Variants in LRRC37A2 observed in about 807,000 individuals in gnomAD.
LRRC37A2 encodes the protein leucine-rich repeat-containing protein 37A2.
A neutral mutation model predicts 68.8 loss-of-function variants in LRRC37A2; 9 were observed. That is an observed-to-expected ratio of 0.13 (90% CI 0.08 to 0.23). The LOEUF is 0.23. Ranked by LOEUF, LRRC37A2 falls within the 10% of genes least tolerant of loss-of-function variation. The pLI, the probability that LRRC37A2 is intolerant of heterozygous loss-of-function variation, is 1.00. For synonymous variants in LRRC37A2, 63 were observed against 367.6 expected, an observed-to-expected ratio of 0.17 and a Z score of 9.48; for missense variants, 168 against 950.4, an observed-to-expected ratio of 0.18 and a Z score of 10.82.
chr17:46,798,334 G>A, the LRRC37A2 span, among the ~76,000 whole-genome samples: 2 of 152,222 alleles, frequency 1.3e-5, no homozygotes, highest in Admixed American at 6.5e-5. Flanking sequence ...AGATGGACAC[G>A]ACGGCCTAGT....
the LRRC37A2 span, among the ~76,000 whole-genome samples, chr17:46,854,314 C>T: frequency 1.3e-5 from 2 of 152,214 alleles, no homozygotes; most frequent in African/African-American, 4.8e-5. Flanking sequence ...TGAGGCAAAG[C>T]GCTTCTTCCT....
At chr17:46,941,891 G>A in the LRRC37A2 span, 2 of 982,676 alleles carry the variant, frequency 2.0e-6, no homozygotes, top group Non-Finnish European at 2.4e-6. Context: ...TGGCCTCTAA[G>A]GTGATTCTGA....
the LRRC37A2 span, among the ~76,000 whole-genome samples, chr17:46,858,232 T>A: frequency 6.6e-6 from 1 of 152,286 alleles, no homozygotes; most frequent in Admixed American, 6.5e-5. Context: ...GCCTAAGAGT[T>A]CTTTATATAT....
At chr17:46,804,952 C>A in the LRRC37A2 span, among the ~76,000 whole-genome samples, 1 of 145,934 alleles carries the variant, frequency 6.9e-6, no homozygotes, top group African/African-American at 2.6e-5. Context: ...AGCACCAACC[C>A]CCTTGGGTCG....
At chr17:46,964,083 G>A in the LRRC37A2 span, 1 of 152,228 alleles carries the variant, frequency 6.6e-6, no homozygotes. Flanking sequence ...AAAGTGCCGG[G>A]ATGACAAGTG....
the LRRC37A2 span, chr17:46,948,440 T>C: frequency 1.3e-5 from 2 of 152,244 alleles, no homozygotes; most frequent in African/African-American, 4.8e-5. Context: ...TATTTGCCAG[T>C]CAGACTTTAT....
chr17:46,940,815 T>G, the LRRC37A2 span: 2 of 1,471,320 alleles, frequency 1.4e-6, no homozygotes, highest in Admixed American at 2.2e-5. Context: ...CTTTACCACC[T>G]GCGGCTGGTG....
At chr17:46,621,076 C>T in the LRRC37A2 span, among the ~76,000 whole-genome samples, 9 of 95,218 alleles carry the variant, frequency 9.5e-5, no homozygotes, top group Admixed American at 7.0e-4. Context: ...CAATTCTGGG[C>T]GACAGAGCAA....
intron 6 of LRRC37A2, among the ~76,000 whole-genome samples, chr17:46,528,468 T>G (rs2053103658): frequency 2.2e-5 from 1 of 45,158 alleles, no homozygotes; most frequent in Admixed American, 2.3e-4. Context: ...TGCTGTAATC[T>G]CAGCACTTTG....
At chr17:46,915,221 C>T in the LRRC37A2 span, among the ~76,000 whole-genome samples, 1 of 152,184 alleles carries the variant, frequency 6.6e-6, no homozygotes, top group Admixed American at 6.5e-5. Flanking sequence ...TATGGCTTTG[C>T]CCACATGTAT....
At chr17:46,534,709 G>C (rs1310637517) in intron 6 of LRRC37A2, among the ~76,000 whole-genome samples, 1 of 150,020 alleles carries the variant, frequency 6.7e-6, no homozygotes, top group Non-Finnish European at 1.5e-5. Context: ...TGAGCTGTTG[G>C]GTACACCTCC....
chr17:46,859,727 G>A, the LRRC37A2 span, among the ~76,000 whole-genome samples: 1 of 152,122 alleles, frequency 6.6e-6, no homozygotes, highest in African/African-American at 2.4e-5. Context: ...ATATCCACAT[G>A]AAAGCCTCCT....
intron 6 of LRRC37A2, among the ~76,000 whole-genome samples, chr17:46,537,108 C>T (rs1260176983): frequency 2.1e-5 from 1 of 47,210 alleles, no homozygotes; most frequent in East Asian, 1.4e-3. Context: ...TTTTTTTTTG[C>T]TATTTTTTTT....
the LRRC37A2 span, among the ~76,000 whole-genome samples, chr17:46,957,736 C>T: frequency 6.6e-6 from 1 of 152,184 alleles, no homozygotes; most frequent in Non-Finnish European, 1.5e-5. Context: ...TTGATGGCAG[C>T]CCCAGGATGC....
the LRRC37A2 span, among the ~76,000 whole-genome samples, chr17:46,950,828 C>T: frequency 5.9e-5 from 9 of 152,230 alleles, no homozygotes; most frequent in South Asian, 1.0e-3. Flanking sequence ...AGAGGAAAAG[C>T]GGGGCCAGAA....
chr17:46,821,764 C>A, the LRRC37A2 span, among the ~76,000 whole-genome samples: 4 of 152,202 alleles, frequency 2.6e-5, no homozygotes, highest in Admixed American at 1.3e-4. Context: ...CCCAACCCAA[C>A]CCCTCTCTCT....
chr17:46,892,492 C>G, the LRRC37A2 span, among the ~76,000 whole-genome samples: 1 of 152,368 alleles, frequency 6.6e-6, no homozygotes. Context: ...GCCTTAAAGA[C>G]TCAGCCGTAG....
chr17:46,492,165 A>G, the LRRC37A2 span, among the ~76,000 whole-genome samples: 7 of 151,592 alleles, frequency 4.6e-5, no homozygotes, highest in Admixed American at 3.3e-4. Flanking sequence ...GGGTTTCACC[A>G]TGTTGGCCAG....
At chr17:46,786,563 C>T in the LRRC37A2 span, among the ~76,000 whole-genome samples, 6 of 152,246 alleles carry the variant, frequency 3.9e-5, no homozygotes, top group Non-Finnish European at 8.8e-5. Context: ...GGGAGCAGCT[C>T]CCAAGGACAC....
Sources: gnomAD v4.1 joint callset for allele counts (sites outside exome capture counted in the v4.1 genomes callset) on GRCh38, gnomAD v4.1.1 for gene constraint, MANE v1.5 for transcripts, NCBI Gene and HGNC (gene_info 2026-07-23, HGNC 2026-07-21) for gene names.